The following ABCA5 variants were observed in gnomAD, a reference collection of about 807,000 sequenced individuals.
ABCA5 encodes ATP binding cassette subfamily A member 5, also known as cholesterol transporter ABCA5.
Under a neutral mutation model 206.0 loss-of-function variants are expected in ABCA5, and 163 were observed. The observed-to-expected ratio is 0.79, with a 90% CI of 0.70 to 0.90. ABCA5 has a LOEUF of 0.90. Among genes scored for constraint, ABCA5 ranks in the 40% least tolerant of loss-of-function variants. The probability of loss-of-function intolerance (pLI) is 0.00; values close to 1 mark genes in which losing one functional copy is unlikely to be tolerated. For synonymous variants in ABCA5, 609 were observed against 613.8 expected, an observed-to-expected ratio of 0.99 and a Z score of 0.11; for missense variants, 1,859 against 1,912.9, an observed-to-expected ratio of 0.97 and a Z score of 0.53.
intron 1 of ABCA5, among the ~76,000 whole-genome samples, chr17:69,318,459 G>A (rs1402155217): frequency 6.6e-6 from 1 of 152,070 alleles, no homozygotes; most frequent in African/African-American, 2.4e-5. Flanking sequence ...TGGCTTAAAT[G>A]AGCATCTTCT....
chr17:69,249,532 G>A, intron 37 of ABCA5: 2 of 197,276 alleles, frequency 1.0e-5, no homozygotes, highest in Non-Finnish European at 2.0e-5. Context: ...CTTGCTGCTG[G>A]ACTAACTGCA....
In ABCA5 at chr17:69,250,530, C is replaced by T. The variant is rs1271375267; in HGVS notation, c.4627G>A (p.Val1543Ile). Reference protein sequence around the residue: ...KLKDWIENLEVDRLQREIQYI... With the variant: ...KLKDWIENLEIDRLQREIQYI... ...TGAATTTCTCTTTGAAGGCGGTCTACTTCTAGGTTTTCTATCCAGTCCTTC... is the reference window on the plus strand; with the variant it reads ...TGAATTTCTCTTTGAAGGCGGTCTATTTCTAGGTTTTCTATCCAGTCCTTC... Residue 1543 changes from valine to isoleucine, a missense_variant, in exon 36 of 39, where the codon GTA becomes ATA. Physicochemically the swap from Val to Ile is conservative, Grantham distance 29. Coordinates refer to ENST00000392676, the MANE Select transcript of ABCA5 (RefSeq NM_172232.4). 1 of 1,603,334 alleles carries T rather than the reference C, an allele frequency of 6.2e-7. No homozygotes were observed. The highest frequency in any genetic ancestry group is 1.7e-5 in the Admixed American group (1 of 57,332).
intron 19 of ABCA5, among the ~76,000 whole-genome samples, chr17:69,274,861 T>TTTTTTTTGTTG (rs869271286): frequency 9.0e-6 from 1 of 110,722 alleles, no homozygotes; most frequent in Non-Finnish European, 1.8e-5. Flanking sequence ...TTTTTTTTTT[T>TTTTTTTTGTTG]GAGATGGAGT....
intron 9 of ABCA5, among the ~76,000 whole-genome samples, chr17:69,298,511 TC>T (rs1407424781): frequency 2.0e-5 from 3 of 152,178 alleles, no homozygotes; most frequent in Non-Finnish European, 4.4e-5. Context: ...TACAGAGGAT[TC>T]CAATTGATTT....
At chr17:69,298,167 C>T (rs184054922) in intron 9 of ABCA5, among the ~76,000 whole-genome samples, 1 of 145,792 alleles carries the variant, frequency 6.9e-6, no homozygotes, top group African/African-American at 2.5e-5. Flanking sequence ...GCTTGGAAGA[C>T]ACAGCAAAAC....
chr17:69,285,779 C>T, intron 17 of ABCA5, 119 bp downstream of exon 17: 1 of 1,073,212 alleles, frequency 9.3e-7, no homozygotes, highest in Non-Finnish European at 1.3e-6. Context: ...AATATTAACT[C>T]TGGCCACCTG....
At chr17:69,294,838 C>T (rs2075568911) in intron 10 of ABCA5, 125 bp from the exon 11 acceptor site, 3 of 569,204 alleles carry the variant, frequency 5.3e-6, no homozygotes, top group Non-Finnish European at 8.6e-6. Context: ...TAATAAAGTA[C>T]TTTCCTACTA....
chr17:69,255,102 G>A (rs1210601852), intron 31 of ABCA5, among the ~76,000 whole-genome samples: 1 of 152,152 alleles, frequency 6.6e-6, no homozygotes, highest in Non-Finnish European at 1.5e-5. Context: ...GGAAAGCAAT[G>A]AGTTAGTGTG....
At chr17:69,269,394 G>A (rs1028273384) in intron 22 of ABCA5, among the ~76,000 whole-genome samples, 8 of 152,100 alleles carry the variant, frequency 5.3e-5, no homozygotes, top group African/African-American at 1.9e-4. Context: ...TTCGTTTTCT[G>A]TACGTTTGAA....
chr17:69,298,311 A>G (rs912606959), intron 9 of ABCA5, among the ~76,000 whole-genome samples: 1 of 22,324 alleles, frequency 4.5e-5, no homozygotes, highest in African/African-American at 8.2e-5. Flanking sequence ...AAAGAAAGAG[A>G]GAGAGAGGAA....
At chr17:69,295,632 T>G (rs2075576785) in intron 10 of ABCA5, among the ~76,000 whole-genome samples, 1 of 152,200 alleles carries the variant, frequency 6.6e-6, no homozygotes, top group Admixed American at 6.5e-5. Flanking sequence ...TTCTCTCAAC[T>G]GGGCATTGGC....
chr17:69,255,616 A>C lies in ABCA5; in HGVS notation c.3995T>G (p.Leu1332Trp), dbSNP rs1242562614. Residue 1332 changes from leucine (L) to tryptophan (W), a missense_variant, in exon 31 of 39, where the codon TTG (leucine) becomes TGG (tryptophan). By Grantham distance (61) the Leu-to-Trp change is moderately conservative. Coordinates refer to ENST00000392676, the MANE Select transcript of ABCA5 (RefSeq NM_172232.4). ...GCTTTTGCCAGCACCATTTGGACCC[A>C]ATAGTCCTAAGATCTCTCCTAAAGG... ...CVKKGEILGL[L>W]GPNGAGKSTI... The C allele has an allele frequency of 6.3e-7, 1 of 1,581,946 alleles. No homozygotes were observed. The highest frequency in any genetic ancestry group is 2.2e-5 in the East Asian group (1 of 44,512).
At position 69,289,711 on chromosome 17, in the gene ABCA5, TTCTG is replaced by T. The variant is rs150705222; in HGVS notation, c.1782+147_1782+150del. 1.3e-3 allele frequency: 845 copies of T among 653,220 alleles called. 4 individuals carry two copies. The African/African-American group carries it at 0.014, about 11-fold the overall frequency. 40.5% of individuals were successfully genotyped at this position (653,220 alleles called of 1,614,324 possible). On this transcript the variant is annotated intron_variant, in intron 13 of 38. Transcript: ENST00000392676. ...TGTGTGCTAAAACATTTACTCCAAA[TTCTG>T]TCTAATTCTTTGTAATAGCTTTCTG...
chr17:69,249,191 T>C (rs1598143270), intron 37 of ABCA5: 1 of 152,164 alleles, frequency 6.6e-6, no homozygotes, highest in African/African-American at 2.4e-5. Context: ...TAAAGAACAA[T>C]CATAAAAATC....
intron 23 of ABCA5, among the ~76,000 whole-genome samples, chr17:69,266,613 T>A (rs1360596654): frequency 2.0e-5 from 3 of 146,494 alleles, no homozygotes; most frequent in Non-Finnish European, 4.5e-5. Flanking sequence ...AATAAATAAA[T>A]AAAAATAAAA....
At chr17:69,257,364 A>G (rs1023900082) in intron 28 of ABCA5, among the ~76,000 whole-genome samples, 28 of 151,988 alleles carry the variant, frequency 1.8e-4, no homozygotes, top group Non-Finnish European at 2.9e-4. Context: ...AAAAAAAAAA[A>G]AAAAAAGAAA....
rs770623872 is a variant in ABCA5 at position 69,314,372 on chromosome 17, C to G, written c.44G>C (p.Arg15Thr). 1.1e-5 allele frequency: 18 copies of G among 1,613,644 alleles called. No individual in the cohort carries two copies. Among genetic ancestry groups the G allele is most frequent in the Admixed American group, 3.3e-5 (2 of 59,982 alleles). ...TAAGTAATTCTTCAGTAGAAGTGTTCTGGTCTGTCTCCAAACTCCTACCTC... is the reference window on the plus strand; with the variant it reads ...TAAGTAATTCTTCAGTAGAAGTGTTGTGGTCTGTCTCCAAACTCCTACCTC... The part of the protein sequence containing the change: ...IREVGVWRQT[R>T]TLLLKNYLIK... Residue 15 changes from arginine (R) to threonine (T), a missense_variant, in exon 2 of 39, where the codon AGA becomes ACA. Transcript: ENST00000392676.
chr17:69,262,695 AC>A (rs772873039), intron 24 of ABCA5, among the ~76,000 whole-genome samples: 1 of 152,074 alleles, frequency 6.6e-6, no homozygotes, highest in Non-Finnish European at 1.5e-5. Flanking sequence ...CAATGAACAT[AC>A]TCATGTGTCT....
In ABCA5 at chr17:69,261,115, G is replaced by C. The variant is rs1240690642; in HGVS notation, c.3564+10C>G. 6.6e-7 allele frequency: 1 copy of C among 1,524,312 alleles called. No homozygotes were observed. The highest frequency in any genetic ancestry group is 2.1e-5 in the Admixed American group (1 of 47,120). The allele number at this position is 1,524,312 out of a possible 1,614,324, so 94.4% of individuals were successfully genotyped here. On this transcript the variant is annotated intron_variant, in intron 26 of 38. Transcript: ENST00000392676. ...GTTTTTTAACATATTAAAATATTTA[G>C]CAGAATTACCTTTATGAAAGAAATC...
Sources: allele counts gnomAD v4.1 joint callset (sites outside exome capture counted in the v4.1 genomes callset), GRCh38; gene constraint gnomAD v4.1.1; transcripts MANE v1.5; gene names NCBI Gene and HGNC (gene_info 2026-07-23, HGNC 2026-07-21).